Variants in ATP10B observed in about 807,000 individuals in gnomAD.
ATP10B encodes phospholipid-transporting ATPase VB.
A neutral mutation model predicts 141.2 loss-of-function variants in ATP10B; 122 were observed. The observed-to-expected ratio is 0.86, with a 90% CI of 0.75 to 1.00. The LOEUF (loss-of-function observed/expected upper bound fraction) is 1.00, where lower values mean the gene tolerates loss of function less well. Among genes scored for constraint, ATP10B ranks in the 50% least tolerant of loss-of-function variants. The pLI, the probability that ATP10B is intolerant of heterozygous loss-of-function variation, is 0.00. For synonymous variants in ATP10B, 685 were observed against 692.0 expected (o/e 0.99, Z 0.16); for missense variants, 1,876 against 1,825.3 (o/e 1.03, Z -0.51).
chr5:160,716,334 T>C (rs911063568), intron 3 of ATP10B, among the ~76,000 whole-genome samples: 1 of 152,222 alleles, frequency 6.6e-6, no homozygotes, highest in Non-Finnish European at 1.5e-5. Context: ...GCACTTTGCA[T>C]GTCAATATTA....
the ATP10B span, among the ~76,000 whole-genome samples, chr5:160,900,050 C>T: frequency 5.9e-5 from 9 of 152,124 alleles, no homozygotes; most frequent in Non-Finnish European, 1.0e-4. Flanking sequence ...TATTTTTCCC[C>T]GCATAAGAGT....
At chr5:160,591,384 G>A (rs942541892) in intron 22 of ATP10B, among the ~76,000 whole-genome samples, 1 of 152,144 alleles carries the variant, frequency 6.6e-6, no homozygotes, top group African/African-American at 2.4e-5. Flanking sequence ...TTAAATGTGG[G>A]CAAAAATAAC....
intron 2 of ATP10B, among the ~76,000 whole-genome samples, chr5:160,735,272 A>G (rs917130016): frequency 1.3e-5 from 2 of 151,996 alleles, no homozygotes; most frequent in African/African-American, 4.8e-5. Flanking sequence ...ACTTATAAAG[A>G]TACATACAGA....
At chr5:160,607,197 T>C in intron 18 of ATP10B, 111 bp from the exon 19 acceptor site, 3 of 874,388 alleles carry the variant, frequency 3.4e-6, no homozygotes, top group Non-Finnish European at 5.2e-6. Context: ...ACCATAGAGA[T>C]TATTTACAAG....
At chr5:160,670,710 C>T (rs756777797) in intron 6 of ATP10B, 43 bp from the exon 7 acceptor site, 2 of 1,547,862 alleles carry the variant, frequency 1.3e-6, no homozygotes, top group Non-Finnish European at 1.8e-6. Context: ...CTTTAAGTTT[C>T]CTCAGAACAC....
At chr5:160,748,634 C>G (rs996336129) in intron 2 of ATP10B, among the ~76,000 whole-genome samples, 1 of 152,190 alleles carries the variant, frequency 6.6e-6, no homozygotes, top group Admixed American at 6.5e-5. Flanking sequence ...CAGATGCCAG[C>G]TGAAGTGATG....
chr5:160,629,921 T>C (rs1190182755), intron 13 of ATP10B, among the ~76,000 whole-genome samples: 2 of 152,156 alleles, frequency 1.3e-5, no homozygotes, highest in East Asian at 1.9e-4. Context: ...CTGGTGAGAA[T>C]TGTAAGTAAA....
chr5:160,598,185 C>T (rs1756849223), intron 22 of ATP10B, among the ~76,000 whole-genome samples: 1 of 151,718 alleles, frequency 6.6e-6, no homozygotes, highest in African/African-American at 2.4e-5. Context: ...GGCACATATA[C>T]ACCATGGAAT....
At chr5:160,872,837 T>C in the ATP10B span, among the ~76,000 whole-genome samples, 1 of 152,218 alleles carries the variant, frequency 6.6e-6, no homozygotes, top group Non-Finnish European at 1.5e-5. Flanking sequence ...TTTTGCTTTG[T>C]CTTGCTTTGA....
At chr5:160,625,501 T>C (rs1758564120) in intron 13 of ATP10B, among the ~76,000 whole-genome samples, 1 of 152,208 alleles carries the variant, frequency 6.6e-6, no homozygotes, top group South Asian at 2.1e-4. Context: ...AACTTGGAGA[T>C]GTCAAAGCTA....
At chr5:160,587,801 G>T (rs1756006782) in intron 24 of ATP10B, among the ~76,000 whole-genome samples, 1 of 152,180 alleles carries the variant, frequency 6.6e-6, no homozygotes, top group South Asian at 2.1e-4. Context: ...CTTTGCTGAA[G>T]TTGCTCATCA....
intron 1 of ATP10B, among the ~76,000 whole-genome samples, chr5:160,828,606 G>A (rs1183742335): frequency 2.6e-5 from 4 of 151,566 alleles, no homozygotes; most frequent in African/African-American, 7.3e-5. Flanking sequence ...TACACTGTTG[G>A]TGGGACTGCG....
the ATP10B span, among the ~76,000 whole-genome samples, chr5:160,899,885 A>T: frequency 3.3e-5 from 5 of 152,266 alleles, no homozygotes; most frequent in South Asian, 1.0e-3. Context: ...AGTGTGAGAC[A>T]GCTGCCGTCC....
At chr5:160,725,942 C>T (rs1474853488) in intron 2 of ATP10B, among the ~76,000 whole-genome samples, 2 of 151,934 alleles carry the variant, frequency 1.3e-5, no homozygotes, top group Non-Finnish European at 2.9e-5. Flanking sequence ...GAGAGAAGGA[C>T]ATGTAGTCAG....
intron 1 of ATP10B, among the ~76,000 whole-genome samples, chr5:160,797,506 CAGTCTA>C (rs1264740738): frequency 2.0e-5 from 3 of 152,188 alleles, no homozygotes; most frequent in Non-Finnish European, 4.4e-5. Flanking sequence ...ATCTTGCCTC[CAGTCTA>C]AGTACTTTGA....
chr5:160,875,025 T>C, the ATP10B span, among the ~76,000 whole-genome samples: 227 of 89,950 alleles, frequency 2.5e-3, no homozygotes, highest in African/African-American at 8.0e-3. Flanking sequence ...ATTCAGGAAA[T>C]ACAGAGAATG....
rs1758128523 is a variant in ATP10B at position 160,618,116 on chromosome 5, G to A, written c.2417-143C>T. 9 of 674,098 alleles carry A rather than the reference G, an allele frequency of 1.3e-5. No homozygotes were observed. The South Asian group carries it at 1.6e-4, about 12-fold the overall frequency. 41.8% of individuals were successfully genotyped at this position (674,098 alleles called of 1,614,324 possible). On this transcript the variant is annotated intron_variant, in intron 15 of 25. Coordinates refer to ENST00000327245, the MANE Select transcript of ATP10B (RefSeq NM_025153.3). Reference sequence around the variant, plus strand: ...CAGCCCACCTTAGAAACCTGAAGGAGCTCTCCTGGCTGTCAGGTTGCCCTG... The same window carrying A: ...CAGCCCACCTTAGAAACCTGAAGGAACTCTCCTGGCTGTCAGGTTGCCCTG...
chr5:160,612,690 G>A, intron 18 of ATP10B, 51 bp downstream of exon 18: 1 of 1,514,262 alleles, frequency 6.6e-7, no homozygotes, highest in Non-Finnish European at 9.0e-7. Context: ...TGGTTGAGGG[G>A]TTGCTCTACA....
intron 1 of ATP10B, among the ~76,000 whole-genome samples, chr5:160,818,022 G>A (rs1490929236): frequency 1.3e-5 from 2 of 152,154 alleles, no homozygotes; most frequent in South Asian, 4.1e-4. Flanking sequence ...AGACTTAAAT[G>A]TTAGACTTAA....
Sources: allele counts gnomAD v4.1 joint callset (sites outside exome capture counted in the v4.1 genomes callset), GRCh38; gene constraint gnomAD v4.1.1; transcripts MANE v1.5; gene names NCBI Gene and HGNC (gene_info 2026-07-23, HGNC 2026-07-21).